The following SORBS2 variants were observed in gnomAD, a reference collection of about 807,000 sequenced individuals.
SORBS2 encodes sorbin and SH3 domain containing 2.
Under a neutral mutation model 97.7 loss-of-function variants are expected in SORBS2, and 46 were observed. The ratio of observed to expected loss-of-function variants is 0.47; its 90% CI spans 0.37 to 0.60. SORBS2 has a LOEUF of 0.60. Among genes scored for constraint, SORBS2 ranks in the 20% least tolerant of loss-of-function variants. The pLI is 0.00. For synonymous variants in SORBS2, 476 were observed against 473.4 expected (o/e 1.01, Z -0.07); for missense variants, 1,316 against 1,282.3 (o/e 1.03, Z -0.40).
At chr4:185,712,730 A>G (rs1445981989) in intron 2 of SORBS2, among the ~76,000 whole-genome samples, 2 of 152,188 alleles carry the variant, frequency 1.3e-5, no homozygotes, top group African/African-American at 4.8e-5. Context: ...AGCGGGTTCC[A>G]GCGCTCATGC....
intron 2 of SORBS2, among the ~76,000 whole-genome samples, chr4:185,742,495 C>T (rs1443096041): frequency 6.6e-6 from 1 of 152,178 alleles, no homozygotes; most frequent in African/African-American, 2.4e-5. Flanking sequence ...CATACGGATC[C>T]AGAAATGTCC....
At chr4:185,890,230 T>G (rs1007019786) in intron 1 of SORBS2, among the ~76,000 whole-genome samples, 4 of 152,244 alleles carry the variant, frequency 2.6e-5, no homozygotes, top group Non-Finnish European at 5.9e-5. Flanking sequence ...CACTTTTTTG[T>G]ATAAAATCCT....
intron 1 of SORBS2, among the ~76,000 whole-genome samples, chr4:185,879,193 CG>C (rs2099235565): frequency 7.1e-6 from 1 of 140,564 alleles, no homozygotes; most frequent in Non-Finnish European, 1.5e-5. Context: ...CGACAGGCCC[CG>C]GTGTGTGATG....
chr4:185,877,291 AG>A (rs1429492951), intron 1 of SORBS2, among the ~76,000 whole-genome samples: 1 of 151,234 alleles, frequency 6.6e-6, no homozygotes, highest in Non-Finnish European at 1.5e-5. Flanking sequence ...AAAACATTAA[AG>A]GTTGTTTTTT....
At chr4:185,941,568 C>T (rs566847583) in intron 1 of SORBS2, among the ~76,000 whole-genome samples, 11 of 152,212 alleles carry the variant, frequency 7.2e-5, no homozygotes, top group South Asian at 2.1e-4. Context: ...GCTGACTTCC[C>T]GGGAAATGAC....
chr4:185,586,719 C>CTGTT (rs1297722770), exon 15 of SORBS2: 2 of 152,590 alleles, frequency 1.3e-5, no homozygotes, highest in African/African-American at 2.4e-5. Context: ...TTTCAGGTGT[C>CTGTT]TGTTAGAATA....
chr4:185,704,967 T>C (rs775793069), intron 2 of SORBS2, among the ~76,000 whole-genome samples: 4 of 152,134 alleles, frequency 2.6e-5, no homozygotes, highest in African/African-American at 4.8e-5. Flanking sequence ...GGATCCGAAA[T>C]GGATGATGAT....
rs1407955821 is a variant in SORBS2, at chr4:185,731,854, CTCTCTCTCTCTCTATATATATATATATA to C, written c.-198+43345_-198+43372del. ...TCTTTCTCTCTCTCTCTCTCTCTCT[CTCTCTCTCTCTCTATATATATATATATA>C]TATATATATATATATATATATATAT... On this transcript the variant is annotated intron_variant, in intron 2 of 20. Transcript: ENST00000284776. Among the ~76,000 whole-genome samples the C allele has an allele frequency of 1.7e-3, 59 of 33,788 alleles. 1 individual carries two copies. The highest frequency in any genetic ancestry group is 0.012 in the Middle Eastern group (1 of 84). The allele number at this position is 33,788 out of a possible 152,430, so 22.2% of individuals were successfully genotyped here.
At chr4:185,787,975 A>T (rs1373441281) in intron 1 of SORBS2, among the ~76,000 whole-genome samples, 1 of 152,240 alleles carries the variant, frequency 6.6e-6, no homozygotes, top group African/African-American at 2.4e-5. Flanking sequence ...AGGGTCTAAG[A>T]AACATTGTTG....
At chr4:185,928,504 C>G (rs1193655787) in intron 1 of SORBS2, among the ~76,000 whole-genome samples, 3 of 152,184 alleles carry the variant, frequency 2.0e-5, no homozygotes, top group Non-Finnish European at 4.4e-5. Context: ...GAGAGTCAGG[C>G]ACGTGGGGCC....
chr4:185,836,564 C>CA (rs2099208198), intron 1 of SORBS2, among the ~76,000 whole-genome samples: 1 of 152,128 alleles, frequency 6.6e-6, no homozygotes, highest in Non-Finnish European at 1.5e-5. Flanking sequence ...TTCTTTTTCA[C>CA]AATGAACCTA....
intron 5 of SORBS2, among the ~76,000 whole-genome samples, 193 bp from the exon 18 acceptor site, chr4:185,627,212 C>A (rs1294125825): frequency 6.6e-6 from 1 of 152,044 alleles, no homozygotes; most frequent in Non-Finnish European, 1.5e-5. Context: ...ATGAATAGAC[C>A]TTATTATTTA....
chr4:185,775,730 T>C (rs2098996859), intron 1 of SORBS2: 1 of 152,236 alleles, frequency 6.6e-6, no homozygotes, highest in Non-Finnish European at 1.5e-5. Context: ...GATGTCCTAC[T>C]TATGCTTTAT....
chr4:185,888,887 A>C (rs2099241041), intron 1 of SORBS2, among the ~76,000 whole-genome samples: 1 of 152,214 alleles, frequency 6.6e-6, no homozygotes, highest in African/African-American at 2.4e-5. Context: ...GATAAACTGA[A>C]AATATTTAGC....
chr4:185,664,016 G>A (rs1280711005), intron 4 of SORBS2, among the ~76,000 whole-genome samples: 8 of 151,564 alleles, frequency 5.3e-5, no homozygotes, highest in Non-Finnish European at 1.0e-4. Context: ...CACCACGCCC[G>A]GCTAATTTTT....
chr4:185,615,333 T>G, intron 9 of SORBS2, 174 bp from the exon 22 acceptor site: 1 of 592,186 alleles, frequency 1.7e-6, no homozygotes, highest in Non-Finnish European at 3.0e-6. Flanking sequence ...AGAATGCACT[T>G]AAAACATTAT....
intron 1 of SORBS2, among the ~76,000 whole-genome samples, chr4:185,945,849 G>A (rs796698963): frequency 7.2e-5 from 11 of 152,290 alleles, no homozygotes; most frequent in African/African-American, 2.6e-4. Context: ...TGACTGATGG[G>A]ATGGAGGGGT....
At chr4:185,657,168 C>A (rs2097420564), upstream of SORBS2, 1 of 358,276 alleles carries the variant, frequency 2.8e-6, no homozygotes. Flanking sequence ...CTAAACCACA[C>A]AACACAGTTT....
Position 185,627,029 on chromosome 4 carries a change from G to A in SORBS2, c.447-10C>T, listed in dbSNP as rs1273211739. Reference sequence around the variant, plus strand: ...GGCCATGCTTGCAGAACTGAAAGAAGGAATCAGATCTGTTTGATTGGCACT... The same window carrying A: ...GGCCATGCTTGCAGAACTGAAAGAAAGAATCAGATCTGTTTGATTGGCACT... On this transcript the variant is annotated splice_polypyrimidine_tract_variant and intron_variant, in intron 5 of 14. Coordinates refer to ENST00000418609, the Ensembl canonical transcript of SORBS2. 2 of 1,613,668 alleles carry A rather than the reference G, an allele frequency of 1.2e-6. No homozygotes were observed. The highest frequency in any genetic ancestry group is 1.7e-6 in the Non-Finnish European group (2 of 1,179,880).
Sources: gnomAD v4.1 joint callset for allele counts (sites outside exome capture counted in the v4.1 genomes callset) on GRCh38, gnomAD v4.1.1 for gene constraint, MANE v1.5 for transcripts, NCBI Gene and HGNC (gene_info 2026-07-23, HGNC 2026-07-21) for gene names.